NFIA: variants seen among roughly 807,000 people sequenced by gnomAD.
NFIA encodes the protein nuclear factor I A, also known as nuclear factor 1 A-type.
In NFIA, 8 loss-of-function variants were observed where a neutral mutation model predicts 62.8. The ratio of observed to expected loss-of-function variants is 0.13; its 90% CI spans 0.07 to 0.23. NFIA has a LOEUF of 0.23. Ranked by LOEUF, NFIA falls within the 10% of genes least tolerant of loss-of-function variation. The pLI is 1.00. For missense variants in NFIA, 410 were observed against 642.1 expected, an observed-to-expected ratio of 0.64 and a Z score of 3.91; for synonymous variants, 235 against 238.1, an observed-to-expected ratio of 0.99 and a Z score of 0.12.
chr1:61,450,793 G>A (rs1668022541), intron 10 of NFIA, among the ~76,000 whole-genome samples: 1 of 152,108 alleles, frequency 6.6e-6, no homozygotes. Flanking sequence ...AGTCCACTCT[G>A]CCCTCTGCCC....
intron 10 of NFIA, among the ~76,000 whole-genome samples, chr1:61,445,909 G>A (rs926625013): frequency 1.3e-5 from 2 of 152,094 alleles, no homozygotes; most frequent in Non-Finnish European, 2.9e-5. Context: ...TACAAACTAG[G>A]ATTTAGATCT....
chr1:61,164,037 G>A (rs1379886169), intron 2 of NFIA, among the ~76,000 whole-genome samples: 1 of 152,172 alleles, frequency 6.6e-6, no homozygotes, highest in Admixed American at 6.5e-5. Flanking sequence ...GCTGTATCTT[G>A]AGAATGCTGT....
chr1:61,308,002 G>A (rs557878671), intron 3 of NFIA, among the ~76,000 whole-genome samples: 1 of 152,292 alleles, frequency 6.6e-6, no homozygotes, highest in South Asian at 2.1e-4. Flanking sequence ...TGTGAAAATG[G>A]GTAGTAGAAG....
intron 3 of NFIA, among the ~76,000 whole-genome samples, chr1:61,295,145 G>T (rs150502210): frequency 6.6e-6 from 1 of 152,150 alleles, no homozygotes; most frequent in Non-Finnish European, 1.5e-5. Context: ...CCTCATATGC[G>T]CATAGCCATC....
chr1:61,406,998 T>C (rs1169276942), intron 9 of NFIA, among the ~76,000 whole-genome samples: 5 of 152,206 alleles, frequency 3.3e-5, no homozygotes, highest in Admixed American at 3.3e-4. Flanking sequence ...ATTTTGTATA[T>C]TATTTGAGGG....
chr1:61,166,997 C>T (rs760897386), intron 2 of NFIA, among the ~76,000 whole-genome samples: 7 of 152,038 alleles, frequency 4.6e-5, no homozygotes, highest in Non-Finnish European at 7.4e-5. Context: ...AAAAATTAGC[C>T]GGGCGAGGTG....
chr1:61,268,137 G>A (rs1657286525), intron 2 of NFIA, among the ~76,000 whole-genome samples: 1 of 152,104 alleles, frequency 6.6e-6, no homozygotes, highest in African/African-American at 2.4e-5. Flanking sequence ...CCTGTCTGTG[G>A]CAAAACTCCA....
chr1:61,088,370 C>T lies in NFIA; in HGVS notation c.249C>T (p.Ile83=), dbSNP rs1304716170. The change falls in exon 2 of 11, where the codon ATC becomes ATT. Residue 83 remains isoleucine (I), a synonymous_variant. Coordinates refer to ENST00000403491, the MANE Select transcript of NFIA (RefSeq NM_001134673.4). The surrounding 1 kb of genome is among the most constrained non-coding windows in gnomAD (Gnocchi z 4.5). Reference sequence around the variant, plus strand: ...TTCTGGCAAAGTTGCGGAAAGATATCCGACCCGAATATCGAGAGGATTTTG... The same window carrying T: ...TTCTGGCAAAGTTGCGGAAAGATATTCGACCCGAATATCGAGAGGATTTTG... ...SRLLAKLRKD[I]RPEYREDFVL... 6 of 1,613,528 alleles carry T rather than the reference C, an allele frequency of 3.7e-6. No homozygotes were observed. The African/African-American group carries it at 8.0e-5, about 22-fold the overall frequency.
At chr1:61,096,291 G>A (rs1027152247) in intron 2 of NFIA, among the ~76,000 whole-genome samples, 10 of 151,864 alleles carry the variant, frequency 6.6e-5, no homozygotes, top group Admixed American at 3.9e-4. Context: ...TCGGCTCACC[G>A]CAATCTCTGC....
chr1:61,449,000 C>T (rs1235392437), intron 10 of NFIA, among the ~76,000 whole-genome samples: 2 of 152,162 alleles, frequency 1.3e-5, no homozygotes, highest in Admixed American at 6.5e-5. Flanking sequence ...GAGGTCTGAA[C>T]CAAACGGAGG....
intron 6 of NFIA, among the ~76,000 whole-genome samples, chr1:61,373,996 T>C (rs190896302): frequency 1.3e-5 from 2 of 152,312 alleles, no homozygotes; most frequent in Admixed American, 1.3e-4. Context: ...CACATATGGC[T>C]ACTAAGCCCT....
At chr1:61,264,953 C>A (rs1270879534) in intron 2 of NFIA, among the ~76,000 whole-genome samples, 10 of 152,126 alleles carry the variant, frequency 6.6e-5, no homozygotes, top group Non-Finnish European at 1.3e-4. Flanking sequence ...GGGTGGGACC[C>A]CATGACTGGT....
chr1:61,204,644 T>G (rs781727831), intron 2 of NFIA, among the ~76,000 whole-genome samples: 9 of 152,186 alleles, frequency 5.9e-5, no homozygotes, highest in African/African-American at 2.2e-4. Context: ...TTGTATTATG[T>G]CTGCCTTAGT....
intron 10 of NFIA, among the ~76,000 whole-genome samples, chr1:61,442,140 C>G (rs1396457895): frequency 2.0e-5 from 3 of 152,076 alleles, no homozygotes; most frequent in Non-Finnish European, 4.4e-5. Flanking sequence ...GAAGCCCTGA[C>G]GAGGGATGCC....
At chr1:61,091,089 C>T (rs1646311828) in intron 2 of NFIA, among the ~76,000 whole-genome samples, 1 of 152,242 alleles carries the variant, frequency 6.6e-6, no homozygotes, top group African/African-American at 2.4e-5. Flanking sequence ...AAACGTGCTT[C>T]AAGATACATG....
At position 61,219,919 on chromosome 1, in the gene NFIA, C is replaced by T. The variant is rs1014270802; in HGVS notation, c.560-57601C>T. ...CAGAGGTTGCAGTGAGCTGAAATCG[C>T]GCCACTGCACTCCAGCCTGGAGACA... On this transcript the variant is annotated intron_variant, in intron 2 of 10. Transcript: ENST00000403491. Among the ~76,000 whole-genome samples, 15 of 152,008 alleles carry T rather than the reference C, an allele frequency of 9.9e-5. 1 individual carries two copies. Among genetic ancestry groups the T allele is most frequent in the East Asian group, 1.9e-4 (1 of 5,160 alleles).
At chr1:61,105,776 C>A (rs979183727) in intron 2 of NFIA, among the ~76,000 whole-genome samples, 3 of 151,726 alleles carry the variant, frequency 2.0e-5, no homozygotes, top group Non-Finnish European at 4.4e-5. Context: ...ATTGCTATTG[C>A]CATTTCTTGA....
At chr1:61,144,541 T>C (rs1452102086) in intron 2 of NFIA, among the ~76,000 whole-genome samples, 4 of 152,174 alleles carry the variant, frequency 2.6e-5, no homozygotes, top group African/African-American at 7.2e-5. Context: ...GCCCTGGAGT[T>C]ACATGTACCT....
At chr1:61,096,515 T>G (rs1646416477) in intron 2 of NFIA, among the ~76,000 whole-genome samples, 1 of 151,642 alleles carries the variant, frequency 6.6e-6, no homozygotes, top group African/African-American at 2.4e-5. Flanking sequence ...TGAGCTTTGT[T>G]TCTAACTCTT....
Sources: allele counts gnomAD v4.1 joint callset (sites outside exome capture counted in the v4.1 genomes callset), GRCh38; gene constraint gnomAD v4.1.1; non-coding constraint Gnocchi (gnomAD v3.1); transcripts MANE v1.5; gene names NCBI Gene and HGNC (gene_info 2026-07-23, HGNC 2026-07-21).